The following CLASP2 variants were observed in gnomAD, a reference collection of about 807,000 sequenced individuals.
CLASP2 encodes the protein CLIP-associating protein 2.
Under a neutral mutation model 194.4 loss-of-function variants are expected in CLASP2, and 47 were observed. The ratio of observed to expected loss-of-function variants is 0.24; its 90% CI spans 0.19 to 0.31. The LOEUF is 0.31. CLASP2 is among the 10% of genes least tolerant of loss of function. The probability of loss-of-function intolerance (pLI) is 1.00; values close to 1 mark genes in which losing one functional copy is unlikely to be tolerated. For synonymous variants in CLASP2, 619 were observed against 633.5 expected, an observed-to-expected ratio of 0.98 and a Z score of 0.34; for missense variants, 1,445 against 1,823.6, an observed-to-expected ratio of 0.79 and a Z score of 3.78.
At chr3:33,704,306 A>C (rs2092559535) in intron 1 of CLASP2, among the ~76,000 whole-genome samples, 1 of 152,184 alleles carries the variant, frequency 6.6e-6, no homozygotes, top group Admixed American at 6.5e-5. Context: ...ACAGTGGAGG[A>C]GGCTGTGCAT....
intron 34 of CLASP2, among the ~76,000 whole-genome samples, chr3:33,523,945 T>C (rs1039398026): frequency 2.6e-5 from 4 of 151,978 alleles, no homozygotes; most frequent in African/African-American, 4.8e-5. Flanking sequence ...ACCAAGAAAA[T>C]AGCTATAAAA....
chr3:33,572,645 TAAAG>T (rs1027331004), intron 25 of CLASP2, among the ~76,000 whole-genome samples: 45 of 152,250 alleles, frequency 3.0e-4, no homozygotes, highest in African/African-American at 1.1e-3. Flanking sequence ...TATCTGTTCT[TAAAG>T]AAATTCAGTC....
chr3:33,497,178 T>A lies in CLASP2; in HGVS notation c.*1453A>T, dbSNP rs1162181660. The A allele has an allele frequency of 4.6e-5, 7 of 152,532 alleles. No individual in the cohort carries two copies. Among genetic ancestry groups the A allele is most frequent in the Admixed American group, 4.6e-4 (7 of 15,258 alleles). The allele number at this position is 152,532 out of a possible 1,614,324, so 9.4% of individuals were successfully genotyped here. ...AAAGGGGAAAGCCTATGACAAATCATCCATTCAGTACTCTTGTCTTAAATT... is the reference window on the plus strand; with the variant it reads ...AAAGGGGAAAGCCTATGACAAATCAACCATTCAGTACTCTTGTCTTAAATT... On this transcript the variant is annotated 3_prime_UTR_variant, in exon 39 of 39. Coordinates refer to ENST00000682230, the MANE Select transcript of CLASP2 (RefSeq NM_001365631.1).
intron 36 of CLASP2, among the ~76,000 whole-genome samples, chr3:33,515,610 C>T (rs2051090723): frequency 6.6e-6 from 1 of 152,164 alleles, no homozygotes; most frequent in South Asian, 2.1e-4. Flanking sequence ...GATCACACCA[C>T]TGCACTCCAG....
chr3:33,696,353 CT>C (rs962854814), intron 2 of CLASP2, among the ~76,000 whole-genome samples: 949 of 52,780 alleles, frequency 0.018, 1 homozygote, highest in African/African-American at 0.041. Flanking sequence ...TTCTTTCTTT[CT>C]TTTTTTTTTT....
At position 33,501,761 on chromosome 3, in the gene CLASP2, T is replaced by C; in HGVS notation, c.4325A>G (p.Asp1442Gly). 1 of 1,610,952 alleles carries C rather than the reference T, an allele frequency of 6.2e-7. No individual in the cohort carries two copies. The highest frequency in any genetic ancestry group is 8.5e-7 in the Non-Finnish European group (1 of 1,177,400). The part of the protein sequence containing the change: ...EIMPGLIQGY[D>G]NSESSVRKAC... The stretch of plus-strand genomic sequence containing the variant: ...TTTCCGAACACTGCTCTCTGAATTA[T>C]CATAACCCTACGGAGAGAAGTCCAC... Residue 1442 changes from aspartate to glycine, a missense_variant, in exon 38 of 39, where the codon GAT becomes GGT. Transcript: ENST00000682230.
chr3:33,670,878 G>A (rs183096693), intron 6 of CLASP2, among the ~76,000 whole-genome samples: 1 of 152,236 alleles, frequency 6.6e-6, no homozygotes, highest in Non-Finnish European at 1.5e-5. Flanking sequence ...TTCCAGCAGG[G>A]AGAACCGAAA....
chr3:33,532,748 T>C (rs4679072), intron 34 of CLASP2, among the ~76,000 whole-genome samples: 66,345 of 151,988 alleles, frequency 0.44, 14,755 homozygotes, highest in Admixed American at 0.53. Context: ...GTCTTTAGTA[T>C]GGGACTCTTC....
intron 11 of CLASP2, among the ~76,000 whole-genome samples, chr3:33,620,719 G>A (rs2076964267): frequency 6.6e-6 from 1 of 152,182 alleles, no homozygotes; most frequent in Non-Finnish European, 1.5e-5. Flanking sequence ...GAGAGGCAGA[G>A]TCAAGAGTTG....
chr3:33,514,509 T>C (rs949347887), intron 36 of CLASP2: 3 of 163,734 alleles, frequency 1.8e-5, no homozygotes, highest in Middle Eastern at 5.1e-4. Context: ...TCATTCATTT[T>C]ATCTCACTGC....
chr3:33,577,233 G>A, intron 23 of CLASP2: 8 of 1,597,980 alleles, frequency 5.0e-6, no homozygotes, highest in Non-Finnish European at 6.8e-6. Flanking sequence ...GGGCGTAGAG[G>A]GCACCAGTTG....
intron 27 of CLASP2, chr3:33,564,013 G>T (rs1052872598): frequency 4.6e-6 from 2 of 431,806 alleles, no homozygotes; most frequent in Admixed American, 5.2e-5. Context: ...TTCTTGGATT[G>T]CAAGTCAGGG....
At chr3:33,603,834 G>A (rs754725013) in intron 17 of CLASP2, among the ~76,000 whole-genome samples, 7 of 152,110 alleles carry the variant, frequency 4.6e-5, no homozygotes, top group Non-Finnish European at 1.0e-4. Context: ...TGTTGGCCAG[G>A]CTGGTCAGGA....
intron 34 of CLASP2, among the ~76,000 whole-genome samples, chr3:33,526,888 ATAATGAAAT>A (rs1295766662): frequency 6.6e-6 from 1 of 150,816 alleles, no homozygotes; most frequent in African/African-American, 2.4e-5. Flanking sequence ...TTTTGGGTAA[ATAATGAAAT>A]TAAGGCAGAA....
chr3:33,591,527 C>T (rs2068786715), intron 21 of CLASP2, among the ~76,000 whole-genome samples: 1 of 152,210 alleles, frequency 6.6e-6, no homozygotes, highest in Non-Finnish European at 1.5e-5. Context: ...GGGAGGATTG[C>T]TTGAGCCCAG....
intron 7 of CLASP2, chr3:33,659,683 G>A (rs1175092964): frequency 6.6e-6 from 1 of 152,408 alleles, no homozygotes; most frequent in African/African-American, 2.4e-5. Context: ...ACGGAACAAA[G>A]CTTACTTCTG....
At chr3:33,571,015 A>ATTTTGTTTTT (rs2063632071) in intron 25 of CLASP2, among the ~76,000 whole-genome samples, 1 of 123,942 alleles carries the variant, frequency 8.1e-6, no homozygotes, top group Non-Finnish European at 1.7e-5. Flanking sequence ...GTCTCTATAA[A>ATTTTGTTTTT]TTTTTTTTTT....
intron 6 of CLASP2, among the ~76,000 whole-genome samples, chr3:33,673,611 A>G (rs1025063715): frequency 5.9e-5 from 9 of 152,302 alleles, no homozygotes; most frequent in African/African-American, 1.9e-4. Flanking sequence ...TTAAATGTAA[A>G]TGGACTAAAT....
intron 6 of CLASP2, among the ~76,000 whole-genome samples, chr3:33,680,455 G>C (rs1017729425): frequency 1.3e-5 from 2 of 152,212 alleles, no homozygotes; most frequent in Non-Finnish European, 1.5e-5. Context: ...TATAGCGACA[G>C]AGTATACAGG....
Sources: gnomAD v4.1 joint callset for allele counts (sites outside exome capture counted in the v4.1 genomes callset) on GRCh38, gnomAD v4.1.1 for gene constraint, MANE v1.5 for transcripts, NCBI Gene and HGNC (gene_info 2026-07-23, HGNC 2026-07-21) for gene names.